The following PRH1 variants were observed in gnomAD, a reference collection of about 807,000 sequenced individuals.
PRH1 encodes proline rich protein HaeIII subfamily 1.
A neutral mutation model predicts 7.9 loss-of-function variants in PRH1; 7 were observed. The observed-to-expected ratio is 0.89, with a 90% CI of 0.50 to 1.67. The LOEUF (loss-of-function observed/expected upper bound fraction) is 1.67, where lower values mean the gene tolerates loss of function less well. Among genes scored for constraint, PRH1 ranks in the 40% most tolerant of loss-of-function variants. PRH1 has a pLI of 0.00. For synonymous variants in PRH1, 45 were observed against 80.8 expected, an observed-to-expected ratio of 0.56 and a Z score of 2.38; for missense variants, 109 against 223.6, an observed-to-expected ratio of 0.49 and a Z score of 3.27.
At chr12:10,900,705 C>T (rs917235329) in intron 2 of PRH1, among the ~76,000 whole-genome samples, 2 of 152,224 alleles carry the variant, frequency 1.3e-5, no homozygotes, top group African/African-American at 4.8e-5. Context: ...GATTGTGGTG[C>T]AGCAGACTCT....
At chr12:11,030,846 A>C in intron 1 of PRH1, 1 of 1,614,174 alleles carries the variant, frequency 6.2e-7, no homozygotes, top group South Asian at 1.1e-5. Context: ...TTGATCTTCC[A>C]AGTCAAGTTT....
upstream of PRH1, among the ~76,000 whole-genome samples, chr12:10,888,456 G>A (rs1318249532): frequency 3.3e-5 from 5 of 152,140 alleles, no homozygotes; most frequent in African/African-American, 1.2e-4. Flanking sequence ...ATGAGAATAT[G>A]AATGAGTTTA....
chr12:11,057,921 T>G (rs1474136429), intron 1 of PRH1, among the ~76,000 whole-genome samples: 24 of 152,230 alleles, frequency 1.6e-4, no homozygotes, highest in Non-Finnish European at 1.5e-5. Flanking sequence ...TTAATTTACA[T>G]TTTTTTAAAA....
In PRH1 at chr12:11,090,550, T is replaced by A. The variant is rs530325405; in HGVS notation, n.124-43362A>T. Among the ~76,000 whole-genome samples the A allele has an allele frequency of 7.9e-5, 9 of 114,582 alleles. 2 individuals are homozygous for A. The South Asian group carries it at 1.2e-3, about 15-fold the overall frequency. 75.2% of individuals were successfully genotyped at this position (114,582 alleles called of 152,430 possible). A position where few individuals can be genotyped will look rare whatever the true frequency, so the allele number is the denominator to read the frequency against. ...ATGATACCAATCAAGATCATGATCA[T>A]GATGTTTCATCCCTTTATTAGAGAA... On this transcript the variant is annotated intron_variant and non_coding_transcript_variant, in intron 1 of 4. Coordinates refer to the PRH1 transcript ENST00000541977.
At chr12:11,113,665 C>T (rs967912457) in intron 1 of PRH1, among the ~76,000 whole-genome samples, 2 of 152,178 alleles carry the variant, frequency 1.3e-5, no homozygotes, top group South Asian at 2.1e-4. Flanking sequence ...GCAAAGACTT[C>T]ATGACTGAAA....
chr12:11,128,272 T>C (rs971464574), intron 1 of PRH1, among the ~76,000 whole-genome samples: 1 of 129,072 alleles, frequency 7.7e-6, no homozygotes, highest in Non-Finnish European at 1.8e-5. Flanking sequence ...TATTGATTTA[T>C]GATGAATAGA....
At position 11,084,210 on chromosome 12, in the gene PRH1, G is replaced by T. The variant is rs186099078; in HGVS notation, n.124-37022C>A. Among the ~76,000 whole-genome samples the T allele has an allele frequency of 1.1e-4, 3 of 27,310 alleles. 1 individual carries two copies. The highest frequency in any genetic ancestry group is 1.8e-4 in the African/African-American group (3 of 16,508). 17.9% of individuals were successfully genotyped at this position (27,310 alleles called of 152,430 possible). On this transcript the variant is annotated intron_variant and non_coding_transcript_variant, in intron 1 of 4. Transcript: ENST00000541977. The stretch of plus-strand genomic sequence containing the variant: ...CTTGGGATTGTAACGGGCACAAGCA[G>T]CACCCTTCTGCACCCTTCTGCCAAA...
intron 1 of PRH1, among the ~76,000 whole-genome samples, chr12:11,059,715 C>A (rs1466656677): frequency 6.8e-6 from 1 of 146,580 alleles, no homozygotes; most frequent in African/African-American, 2.5e-5. Flanking sequence ...TGTGGAATAG[C>A]CAAACTTTTC....
chr12:10,986,878 G>A (rs746854937), intron 1 of PRH1: 3 of 1,464,798 alleles, frequency 2.0e-6, no homozygotes, highest in Non-Finnish European at 1.8e-6. Flanking sequence ...CAGAAAAAAA[G>A]AAAGAAAATG....
chr12:10,992,447 G>C (rs1013215904), intron 1 of PRH1, among the ~76,000 whole-genome samples: 1 of 152,096 alleles, frequency 6.6e-6, no homozygotes, highest in Non-Finnish European at 1.5e-5. Context: ...TGGTTGCCCA[G>C]GCTAGAGTGC....
chr12:10,898,240 AG>A (rs760746394), intron 2 of PRH1, among the ~76,000 whole-genome samples: 12 of 152,200 alleles, frequency 7.9e-5, no homozygotes, highest in Non-Finnish European at 1.6e-4. Flanking sequence ...CAAAGTAGCT[AG>A]TCCAAAATTT....
intron 1 of PRH1, among the ~76,000 whole-genome samples, chr12:11,000,203 T>C (rs1215880366): frequency 6.6e-6 from 1 of 152,132 alleles, no homozygotes. Context: ...TTATCAATAA[T>C]ATATTTAACT....
intron 1 of PRH1, among the ~76,000 whole-genome samples, chr12:11,166,850 G>C (rs1947598194): frequency 6.6e-6 from 1 of 152,162 alleles, no homozygotes. Flanking sequence ...GCTTTCTGGA[G>C]GCTCTAGGAA....
intron 1 of PRH1, chr12:11,021,844 A>C: frequency 5.0e-6 from 8 of 1,614,260 alleles, no homozygotes; most frequent in Non-Finnish European, 6.8e-6. Context: ...GATTATACAC[A>C]GAAAGTAAAT....
At chr12:10,997,212 T>C in intron 1 of PRH1, 2 of 1,613,918 alleles carry the variant, frequency 1.2e-6, no homozygotes, top group Non-Finnish European at 1.7e-6. Context: ...ATGTGGATCT[T>C]GGTGCTGGGA....
intron 2 of PRH1, among the ~76,000 whole-genome samples, chr12:10,890,279 A>G (rs1257951061): frequency 6.6e-6 from 1 of 152,134 alleles, no homozygotes; most frequent in Non-Finnish European, 1.5e-5. Flanking sequence ...ATGAGATAAT[A>G]TTTTAAGTAT....
chr12:11,150,316 CT>C (rs1462590237), intron 1 of PRH1, among the ~76,000 whole-genome samples: 2 of 152,026 alleles, frequency 1.3e-5, no homozygotes, highest in East Asian at 3.9e-4. Context: ...CATCCCATTA[CT>C]GGGTATAAAC....
chr12:10,883,025 G>A, intron 2 of PRH1, 36 bp downstream of exon 2: 2 of 1,598,720 alleles, frequency 1.3e-6, no homozygotes, highest in Non-Finnish European at 8.6e-7. Flanking sequence ...AGGGAAAAAT[G>A]GAGACAGAGT....
At chr12:11,153,985 G>A (rs1323952785) in intron 1 of PRH1, among the ~76,000 whole-genome samples, 1 of 152,038 alleles carries the variant, frequency 6.6e-6, no homozygotes, top group East Asian at 1.9e-4. Flanking sequence ...ATAGTGGAAT[G>A]TTTTTTCTAC....
Sources: allele counts gnomAD v4.1 joint callset (sites outside exome capture counted in the v4.1 genomes callset), GRCh38; gene constraint gnomAD v4.1.1; transcripts MANE v1.5; gene names NCBI Gene and HGNC (gene_info 2026-07-23, HGNC 2026-07-21).